The following MS4A4A variants were observed in gnomAD, a reference collection of about 807,000 sequenced individuals.
MS4A4A encodes the protein membrane-spanning 4-domains subfamily A member 4A.
A neutral mutation model predicts 28.0 loss-of-function variants in MS4A4A; 26 were observed. The observed-to-expected ratio is 0.93, with a 90% CI of 0.68 to 1.29. MS4A4A has a LOEUF of 1.29. Ranked by LOEUF, MS4A4A falls within the 50% of genes most tolerant of loss-of-function variation. MS4A4A has a pLI of 0.00. For missense variants in MS4A4A, 290 were observed against 293.1 expected, an observed-to-expected ratio of 0.99 and a Z score of 0.08; for synonymous variants, 86 against 100.8, an observed-to-expected ratio of 0.85 and a Z score of 0.88.
At chr11:60,290,681 A>G (rs1490237404) in intron 1 of MS4A4A, among the ~76,000 whole-genome samples, 22 of 151,872 alleles carry the variant, frequency 1.4e-4, no homozygotes, top group South Asian at 2.1e-4. Context: ...TTTTAAGTAT[A>G]TACATTACTA....
intron 3 of MS4A4A, 143 bp downstream of exon 3, chr11:60,297,468 A>G: frequency 1.1e-6 from 1 of 873,228 alleles, no homozygotes. Flanking sequence ...CAATTTTCTC[A>G]TATTTAAAGT....
At chr11:60,282,267 C>T (rs919908063) in intron 1 of MS4A4A, among the ~76,000 whole-genome samples, 2 of 152,120 alleles carry the variant, frequency 1.3e-5, no homozygotes, top group Non-Finnish European at 2.9e-5. Flanking sequence ...TAAGACAGAC[C>T]CAACATGTCC....
At chr11:60,304,429 A>C (rs2084979750) in intron 5 of MS4A4A, among the ~76,000 whole-genome samples, 1 of 152,350 alleles carries the variant, frequency 6.6e-6, no homozygotes, top group Non-Finnish European at 1.5e-5. Context: ...TCCTCCATTC[A>C]TCTCAATCAC....
chr11:60,286,118 A>G (rs960037758), intron 1 of MS4A4A, among the ~76,000 whole-genome samples: 9 of 152,184 alleles, frequency 5.9e-5, no homozygotes, highest in Admixed American at 2.6e-4. Context: ...GTTTTCTGCA[A>G]TAAGAAAAAT....
chr11:60,294,921 T>TTCTTCTTCTTCTTCC (rs2084892188), intron 2 of MS4A4A, among the ~76,000 whole-genome samples: 1 of 150,876 alleles, frequency 6.6e-6, no homozygotes, highest in South Asian at 2.1e-4. Context: ...CTTCTTCTTC[T>TTCTTCTTCTTCTTCC]TCTTCTTCTT....
At chr11:60,302,123 T>C (rs555039896) in intron 4 of MS4A4A, among the ~76,000 whole-genome samples, 13 of 152,184 alleles carry the variant, frequency 8.5e-5, no homozygotes, top group African/African-American at 3.1e-4. Flanking sequence ...CCTTTATCCA[T>C]GAGAAGAGAA....
chr11:60,306,628 A>T (rs116978001), intron 6 of MS4A4A, among the ~76,000 whole-genome samples: 2,182 of 152,284 alleles, frequency 0.014, 40 homozygotes, highest in Non-Finnish European at 0.02. Context: ...CTTGTATCTC[A>T]TCCTATACAC....
At chr11:60,301,408 C>T (rs2084951980) in intron 4 of MS4A4A, among the ~76,000 whole-genome samples, 1 of 151,984 alleles carries the variant, frequency 6.6e-6, no homozygotes, top group African/African-American at 2.4e-5. Flanking sequence ...ATTTACTGAC[C>T]CATTGATTAT....
intron 3 of MS4A4A, among the ~76,000 whole-genome samples, chr11:60,299,448 C>CTTTTTTTTTTTTTTTTTTTTT (rs5792179): frequency 8.8e-6 from 1 of 113,236 alleles, no homozygotes; most frequent in African/African-American, 3.4e-5. Context: ...AATTACAATT[C>CTTTTTTTTTTTTTTTTTTTTT]TTTTTTTTTT....
intron 3 of MS4A4A, among the ~76,000 whole-genome samples, chr11:60,300,615 CAAAAAAAAA>C (rs760648433): frequency 5.6e-5 from 2 of 36,036 alleles, no homozygotes; most frequent in African/African-American, 1.0e-4. Flanking sequence ...GACTCCGTCT[CAAAAAAAAA>C]AAAAAAAAAA....
At chr11:60,304,951 T>A (rs1450125007) in intron 5 of MS4A4A, among the ~76,000 whole-genome samples, 4 of 152,232 alleles carry the variant, frequency 2.6e-5, no homozygotes, top group African/African-American at 9.6e-5. Flanking sequence ...AGAAAATAAA[T>A]AAGCAATGAA....
At chr11:60,290,967 T>TA (rs1222360211) in intron 1 of MS4A4A, among the ~76,000 whole-genome samples, 1 of 152,200 alleles carries the variant, frequency 6.6e-6, no homozygotes, top group Non-Finnish European at 1.5e-5. Context: ...GAGACTTTTA[T>TA]AGGGGCTCAG....
chr11:60,287,459 G>A (rs896154608), intron 1 of MS4A4A, among the ~76,000 whole-genome samples: 1 of 152,180 alleles, frequency 6.6e-6, no homozygotes, highest in African/African-American at 2.4e-5. Flanking sequence ...GTCTCCTGAT[G>A]TAATTACCTC....
intron 5 of MS4A4A, among the ~76,000 whole-genome samples, chr11:60,305,314 A>T (rs770233516): frequency 3.9e-5 from 6 of 152,228 alleles, no homozygotes; most frequent in Non-Finnish European, 8.8e-5. Flanking sequence ...CAGTTTGGTT[A>T]TCTTATGTTT....
At chr11:60,296,170 A>G (rs2084903952) in intron 2 of MS4A4A, among the ~76,000 whole-genome samples, 1 of 151,906 alleles carries the variant, frequency 6.6e-6, no homozygotes, top group Non-Finnish European at 1.5e-5. Context: ...TTATAGGCTT[A>G]TTCAGAGTGT....
chr11:60,286,318 T>A (rs978355647), intron 1 of MS4A4A, among the ~76,000 whole-genome samples: 39 of 152,268 alleles, frequency 2.6e-4, no homozygotes, highest in African/African-American at 9.1e-4. Context: ...ATCTTCAGCT[T>A]ACGAAGATGA....
At chr11:60,290,917 T>C (rs1468563009) in intron 1 of MS4A4A, among the ~76,000 whole-genome samples, 1 of 152,184 alleles carries the variant, frequency 6.6e-6, no homozygotes, top group African/African-American at 2.4e-5. Flanking sequence ...CAATTTTTTT[T>C]TCATTTATGG....
intron 1 of MS4A4A, 132 bp downstream of exon 1, chr11:60,280,848 T>C (rs2084749585): frequency 2.9e-6 from 3 of 1,052,222 alleles, no homozygotes; most frequent in Non-Finnish European, 1.4e-6. Flanking sequence ...GTATTCAGGG[T>C]TGGGGTGGGT....
intron 1 of MS4A4A, among the ~76,000 whole-genome samples, chr11:60,289,526 C>T (rs1011015709): frequency 6.6e-6 from 1 of 151,158 alleles, no homozygotes; most frequent in Admixed American, 6.6e-5. Context: ...AGGTGCTCTT[C>T]TTTAGTTACT....
Sources: allele counts gnomAD v4.1 joint callset (sites outside exome capture counted in the v4.1 genomes callset), GRCh38; gene constraint gnomAD v4.1.1; transcripts MANE v1.5; gene names NCBI Gene and HGNC (gene_info 2026-07-23, HGNC 2026-07-21).